NOVA1: variants seen among roughly 807,000 people sequenced by gnomAD.
NOVA1 encodes RNA-binding protein Nova-1.
NOVA1 carries 7 observed loss-of-function variants against 38.0 expected under a neutral mutation model. That is an observed-to-expected ratio of 0.18 (90% CI 0.10 to 0.35). The LOEUF (loss-of-function observed/expected upper bound fraction) is 0.35, where lower values mean the gene tolerates loss of function less well. Among genes scored for constraint, NOVA1 ranks in the 10% least tolerant of loss-of-function variants. The probability of loss-of-function intolerance (pLI) is 1.00; values close to 1 mark genes in which losing one functional copy is unlikely to be tolerated. For missense variants in NOVA1, 460 were observed against 616.0 expected, an observed-to-expected ratio of 0.75 and a Z score of 2.68; for synonymous variants, 270 against 232.5, an observed-to-expected ratio of 1.16 and a Z score of -1.47.
rs1488713353 is a variant in NOVA1, at chr14:26,502,602, T to C, written c.281-22459A>G. 2.2e-5 allele frequency among the ~76,000 whole-genome samples: 3 copies of C among 139,338 alleles called. No individual in the cohort carries two copies. In the East Asian group the frequency reaches 6.5e-4, roughly 30 times the overall value. 91.4% of individuals were successfully genotyped at this position (139,338 alleles called of 152,430 possible). ...TAACTGAGTTTCAACATAACATGTT[T>C]CCAGAAAAAAAAAAAAAAGCCTACT... On this transcript the variant is annotated intron_variant, in intron 2 of 4. Coordinates refer to ENST00000539517, the MANE Select transcript of NOVA1 (RefSeq NM_002515.3).
intron 4 of NOVA1, among the ~76,000 whole-genome samples, chr14:26,450,444 AAG>A (rs1434981827): frequency 1.3e-5 from 2 of 152,132 alleles, no homozygotes; most frequent in Non-Finnish European, 2.9e-5. Flanking sequence ...ACAGTAATAA[AAG>A]AAATTTAATT....
intron 2 of NOVA1, among the ~76,000 whole-genome samples, chr14:26,571,881 G>T (rs1238406263): frequency 6.6e-6 from 1 of 152,150 alleles, no homozygotes; most frequent in Admixed American, 6.5e-5. Context: ...AATCAGAATT[G>T]GGGGAGGAGA....
chr14:26,520,218 G>T (rs1333521641), intron 2 of NOVA1, among the ~76,000 whole-genome samples: 3 of 152,076 alleles, frequency 2.0e-5, no homozygotes, highest in African/African-American at 7.2e-5. Context: ...TTCACTTATG[G>T]TGCATTTCTT....
intron 4 of NOVA1, among the ~76,000 whole-genome samples, chr14:26,450,624 A>G (rs938058138): frequency 1.3e-5 from 2 of 152,166 alleles, no homozygotes; most frequent in Admixed American, 6.5e-5. Context: ...CAGACCAAGA[A>G]GTGTTTTTAT....
rs572711507 is a variant in NOVA1, at chr14:26,515,667, G to C, written c.281-35524C>G. ...ACATGTATCCTATGCCTACTAAAAAGCATGGTAAAGAAAAAGGATGAAAGG... is the reference window on the plus strand; with the variant it reads ...ACATGTATCCTATGCCTACTAAAAACCATGGTAAAGAAAAAGGATGAAAGG... On this transcript the variant is annotated intron_variant, in intron 2 of 4. Transcript: ENST00000539517. Among the ~76,000 whole-genome samples the C allele has an allele frequency of 7.9e-5, 12 of 151,952 alleles. No individual in the cohort carries two copies. The East Asian group carries it at 1.2e-3, about 15-fold the overall frequency.
chr14:26,484,209 C>T (rs1043662214), intron 2 of NOVA1, among the ~76,000 whole-genome samples: 15 of 151,714 alleles, frequency 9.9e-5, no homozygotes, highest in Middle Eastern at 3.4e-3. Flanking sequence ...CCGAGGCAGG[C>T]GGATCATGAG....
At chr14:26,525,544 T>C (rs1262316905) in intron 2 of NOVA1, among the ~76,000 whole-genome samples, 1 of 152,164 alleles carries the variant, frequency 6.6e-6, no homozygotes, top group Admixed American at 6.5e-5. Context: ...CTGAAAGTTA[T>C]TTATGAACTT....
rs376635132 is a variant in NOVA1, at chr14:26,502,857, TAC to T, written c.281-22716_281-22715del. ...ATAACACTAGTTTCATGTTTTTTGCTACAGTTCTCAAGATGACATTTTAGGAT... is the reference window on the plus strand; with the variant it reads ...ATAACACTAGTTTCATGTTTTTTGCTAGTTCTCAAGATGACATTTTAGGAT... On this transcript the variant is annotated intron_variant, in intron 2 of 4. Coordinates refer to ENST00000539517, the MANE Select transcript of NOVA1 (RefSeq NM_002515.3). Among the ~76,000 whole-genome samples, 91 of 152,244 alleles carry T rather than the reference TAC, an allele frequency of 6.0e-4. 2 individuals are homozygous for T. In the East Asian group the frequency reaches 0.017, roughly 28 times the overall value.
chr14:26,519,009 G>A (rs1003190976), intron 2 of NOVA1, among the ~76,000 whole-genome samples: 24 of 152,076 alleles, frequency 1.6e-4, no homozygotes, highest in African/African-American at 5.1e-4. Context: ...GTTCAAAACT[G>A]AAATAATCTT....
chr14:26,464,563 T>C (rs1883962068), intron 4 of NOVA1, among the ~76,000 whole-genome samples: 2 of 152,204 alleles, frequency 1.3e-5, no homozygotes, highest in Non-Finnish European at 2.9e-5. Flanking sequence ...TTGCATCTAT[T>C]TGTACGCCAC....
intron 2 of NOVA1, among the ~76,000 whole-genome samples, chr14:26,493,887 C>T (rs1366823595): frequency 6.6e-6 from 1 of 152,156 alleles, no homozygotes; most frequent in Non-Finnish European, 1.5e-5. Flanking sequence ...TATTTCACTA[C>T]CCCTGCTCCT....
chr14:26,495,385 T>C (rs967217525), intron 2 of NOVA1, among the ~76,000 whole-genome samples: 2 of 152,238 alleles, frequency 1.3e-5, no homozygotes, highest in African/African-American at 4.8e-5. Context: ...TGGACTGTTT[T>C]GTTCACATGT....
At chr14:26,596,711 T>A in intron 1 of NOVA1, 1 of 1,285,436 alleles carries the variant, frequency 7.8e-7, no homozygotes, top group Non-Finnish European at 1.0e-6. Flanking sequence ...ACCCCCACCC[T>A]CGTATGCACC....
intron 2 of NOVA1, among the ~76,000 whole-genome samples, chr14:26,495,704 T>G (rs1393719041): frequency 7.2e-6 from 1 of 138,744 alleles, no homozygotes; most frequent in Non-Finnish European, 1.6e-5. Flanking sequence ...TGTCCATGTA[T>G]TCTCATTGTT....
chr14:26,523,947 T>G (rs1223818273), intron 2 of NOVA1, among the ~76,000 whole-genome samples: 1 of 152,032 alleles, frequency 6.6e-6, no homozygotes, highest in African/African-American at 2.4e-5. Flanking sequence ...GTGACGGGGT[T>G]TCACCGTGTT....
At chr14:26,486,631 C>T (rs1885917291) in intron 2 of NOVA1, among the ~76,000 whole-genome samples, 1 of 131,984 alleles carries the variant, frequency 7.6e-6, no homozygotes, top group African/African-American at 2.7e-5. Context: ...ATGGCATGAA[C>T]CTGGGAGGCA....
intron 2 of NOVA1, among the ~76,000 whole-genome samples, chr14:26,500,279 G>A (rs1887152915): frequency 6.6e-6 from 1 of 152,042 alleles, no homozygotes; most frequent in South Asian, 2.1e-4. Context: ...ATGTGCATAT[G>A]TGTCAAATAC....
intron 2 of NOVA1, among the ~76,000 whole-genome samples, chr14:26,558,437 G>A (rs897007126): frequency 8.6e-5 from 13 of 152,040 alleles, no homozygotes; most frequent in African/African-American, 3.1e-4. Context: ...GAAATACATG[G>A]CAACACTTTG....
chr14:26,545,828 T>TAC (rs1032089232), intron 2 of NOVA1, among the ~76,000 whole-genome samples: 118 of 152,168 alleles, frequency 7.8e-4, no homozygotes, highest in African/African-American at 2.7e-3. Context: ...TACACATATA[T>TAC]ACACACACAC....
Sources: allele counts gnomAD v4.1 joint callset (sites outside exome capture counted in the v4.1 genomes callset), GRCh38; gene constraint gnomAD v4.1.1; transcripts MANE v1.5; gene names NCBI Gene and HGNC (gene_info 2026-07-23, HGNC 2026-07-21).